MYO5B: variants seen among roughly 807,000 people sequenced by gnomAD.
The protein encoded by MYO5B is myosin VB.
MYO5B carries 143 observed loss-of-function variants against 229.3 expected under a neutral mutation model. That is an observed-to-expected ratio of 0.62 (90% CI 0.54 to 0.72). The LOEUF is 0.72. Ranked by LOEUF, MYO5B falls within the 30% of genes least tolerant of loss-of-function variation. The pLI, the probability that MYO5B is intolerant of heterozygous loss-of-function variation, is 0.00. For missense variants in MYO5B, 2,321 were observed against 2,331.0 expected (o/e 1.00, Z 0.09); for synonymous variants, 918 against 885.2 (o/e 1.04, Z -0.66).
At chr18:50,137,599 A>C (rs576659979) in intron 1 of MYO5B, among the ~76,000 whole-genome samples, 101 of 152,262 alleles carry the variant, frequency 6.6e-4, no homozygotes, top group Non-Finnish European at 1.2e-3. Context: ...TATAAACAGA[A>C]CCACCATTCA....
intron 1 of MYO5B, among the ~76,000 whole-genome samples, chr18:50,142,894 A>C (rs902523030): frequency 6.6e-6 from 1 of 152,236 alleles, no homozygotes. Context: ...ATCACAGTGA[A>C]GATGAGTGCC....
At chr18:49,924,298 C>T (rs557774473) in intron 17 of MYO5B, among the ~76,000 whole-genome samples, 1 of 152,278 alleles carries the variant, frequency 6.6e-6, no homozygotes, top group East Asian at 1.9e-4. Context: ...CTCAAGTGTC[C>T]AGTGCTGGCT....
intron 1 of MYO5B, among the ~76,000 whole-genome samples, chr18:50,141,728 G>C (rs1041523577): frequency 6.6e-6 from 1 of 152,170 alleles, no homozygotes; most frequent in Admixed American, 6.5e-5. Flanking sequence ...TTGTGGGCAA[G>C]GTTAAATTAT....
At chr18:49,872,265 A>G (rs758790891) in intron 26 of MYO5B, 33 bp from the exon 27 acceptor site, 1 of 1,607,230 alleles carries the variant, frequency 6.2e-7, no homozygotes, top group Admixed American at 1.7e-5. Context: ...ATAAGTGCAG[A>G]CCTCGAGCAA....
chr18:50,103,162 T>C (rs2031687758), intron 1 of MYO5B, among the ~76,000 whole-genome samples: 1 of 152,216 alleles, frequency 6.6e-6, no homozygotes, highest in Non-Finnish European at 1.5e-5. Flanking sequence ...TGGGCAAAGC[T>C]CTCTGGGCAT....
chr18:50,074,238 G>A (rs2031025484), intron 1 of MYO5B, among the ~76,000 whole-genome samples: 1 of 152,136 alleles, frequency 6.6e-6, no homozygotes, highest in Non-Finnish European at 1.5e-5. Context: ...GCTATCATGA[G>A]AATAGCACGG....
chr18:49,834,805 A>AT (rs1293840646), intron 39 of MYO5B, among the ~76,000 whole-genome samples: 2 of 151,868 alleles, frequency 1.3e-5, no homozygotes, highest in Non-Finnish European at 2.9e-5. Context: ...CGCCCGGCTA[A>AT]TTTTTTGTAT....
intron 7 of MYO5B, among the ~76,000 whole-genome samples, chr18:49,986,638 C>A (rs1469282219): frequency 6.6e-6 from 1 of 152,174 alleles, no homozygotes; most frequent in Non-Finnish European, 1.5e-5. Context: ...AGCATTTTAG[C>A]TCTTTCTTAC....
intron 1 of MYO5B, among the ~76,000 whole-genome samples, chr18:50,057,260 G>T (rs1043556763): frequency 6.6e-6 from 1 of 152,210 alleles, no homozygotes; most frequent in African/African-American, 2.4e-5. Context: ...TCAGGTGAGT[G>T]TCTGTCCTTC....
intron 1 of MYO5B, among the ~76,000 whole-genome samples, chr18:50,153,508 T>C (rs1406316351): frequency 6.6e-6 from 1 of 152,194 alleles, no homozygotes; most frequent in Non-Finnish European, 1.5e-5. Context: ...TGGAGTGCAG[T>C]GGCACGATAT....
intron 4 of MYO5B, among the ~76,000 whole-genome samples, chr18:50,006,366 G>C (rs142436361): frequency 1.1e-3 from 169 of 152,336 alleles, no homozygotes; most frequent in African/African-American, 3.9e-3. Context: ...TGAGCCCAGT[G>C]AAATTCCTTT....
chr18:49,878,630 C>T (rs2024552841), intron 24 of MYO5B, among the ~76,000 whole-genome samples: 1 of 152,178 alleles, frequency 6.6e-6, no homozygotes, highest in African/African-American at 2.4e-5. Context: ...AAGCTGAGAA[C>T]TCCCACACCC....
chr18:49,941,916 G>T, intron 14 of MYO5B, among the ~76,000 whole-genome samples: 1 of 129,686 alleles, frequency 7.7e-6, no homozygotes. Context: ...CATGCTACCT[G>T]ACTTCAAACT....
chr18:49,894,193 C>T (rs1447497270), intron 22 of MYO5B, among the ~76,000 whole-genome samples: 4 of 152,144 alleles, frequency 2.6e-5, no homozygotes, highest in Non-Finnish European at 5.9e-5. Context: ...CCTCTTAGAT[C>T]CCCATCCACT....
intron 5 of MYO5B, among the ~76,000 whole-genome samples, chr18:49,999,146 T>C (rs576341190): frequency 6.6e-6 from 1 of 152,370 alleles, no homozygotes; most frequent in South Asian, 2.1e-4. Flanking sequence ...AAGAGGTTTC[T>C]TGTCTTTCGT....
At chr18:50,019,865 C>T (rs1399671816) in intron 4 of MYO5B, among the ~76,000 whole-genome samples, 1 of 152,180 alleles carries the variant, frequency 6.6e-6, no homozygotes. Flanking sequence ...CTGTCAAGGT[C>T]TCTGGCTGTG....
intron 1 of MYO5B, among the ~76,000 whole-genome samples, chr18:50,107,628 G>A (rs375993984): frequency 2.6e-4 from 40 of 152,258 alleles, no homozygotes; most frequent in African/African-American, 8.7e-4. Context: ...CTAGAAACCA[G>A]CCTTGTGATT....
Position 49,929,502 on chromosome 18 carries a change from C to A in MYO5B, c.2090+10G>T. The A allele has an allele frequency of 6.2e-7, 1 of 1,600,822 alleles. No individual in the cohort carries two copies. The highest frequency in any genetic ancestry group is 8.5e-7 in the Non-Finnish European group (1 of 1,174,520). The stretch of plus-strand genomic sequence containing the variant: ...AGCCCCAGGAGGCAGCTGGCGGGCA[C>A]GTTAGTTACCTGGATGGGTAGCCAG... On this transcript the variant is annotated intron_variant, in intron 17 of 39. Coordinates refer to ENST00000285039, the MANE Select transcript of MYO5B (RefSeq NM_001080467.3).
intron 22 of MYO5B, among the ~76,000 whole-genome samples, chr18:49,891,859 A>G (rs899685089): frequency 1.3e-5 from 2 of 152,204 alleles, no homozygotes; most frequent in East Asian, 3.9e-4. Context: ...TCTTGATACA[A>G]TGCACAACCC....
Sources: allele counts gnomAD v4.1 joint callset (sites outside exome capture counted in the v4.1 genomes callset), GRCh38; gene constraint gnomAD v4.1.1; transcripts MANE v1.5; gene names NCBI Gene and HGNC (gene_info 2026-07-23, HGNC 2026-07-21).